The following DPP10 variants were observed in gnomAD, a reference collection of about 807,000 sequenced individuals.
The protein encoded by DPP10 is inactive dipeptidyl peptidase 10.
A neutral mutation model predicts 120.9 loss-of-function variants in DPP10; 33 were observed. That is an observed-to-expected ratio of 0.27 (90% CI 0.21 to 0.37). The LOEUF is 0.37. DPP10 is among the 10% of genes least tolerant of loss of function. DPP10 has a pLI of 1.00. For missense variants in DPP10, 816 were observed against 942.8 expected, an observed-to-expected ratio of 0.87 and a Z score of 1.76; for synonymous variants, 337 against 326.1, an observed-to-expected ratio of 1.03 and a Z score of -0.36.
chr2:115,085,692 A>G (rs1708636115), intron 1 of DPP10, among the ~76,000 whole-genome samples: 1 of 152,166 alleles, frequency 6.6e-6, no homozygotes, highest in Non-Finnish European at 1.5e-5. Flanking sequence ...AAAAGTATAC[A>G]TATCTCATTT....
intron 1 of DPP10, among the ~76,000 whole-genome samples, chr2:114,689,631 G>T (rs901244480): frequency 6.6e-6 from 1 of 151,902 alleles, no homozygotes; most frequent in Non-Finnish European, 1.5e-5. Flanking sequence ...TAGTATTTCT[G>T]CCTCTAGGTC....
Position 114,837,566 on chromosome 2 carries a change from A to G in DPP10, c.60+394728A>G, listed in dbSNP as rs551294097. Among the ~76,000 whole-genome samples, 5 of 152,048 alleles carry G rather than the reference A, an allele frequency of 3.3e-5. No homozygotes were observed. In the South Asian group the frequency reaches 1.0e-3, roughly 32 times the overall value. ...TGCTTTAACTGTGCTTATACAATGG[A>G]AACCCTGTTCTCTGTCAAAAAAAAA... On this transcript the variant is annotated intron_variant, in intron 1 of 25. Transcript: ENST00000410059.
chr2:115,375,577 T>C (rs1374617253), intron 3 of DPP10, among the ~76,000 whole-genome samples: 2 of 152,206 alleles, frequency 1.3e-5, no homozygotes, highest in Non-Finnish European at 2.9e-5. Context: ...TATAGCAGTC[T>C]CCCACTCTGC....
intron 4 of DPP10, among the ~76,000 whole-genome samples, chr2:115,507,026 ACG>A (rs1443613560): frequency 7.7e-6 from 1 of 130,222 alleles, no homozygotes; most frequent in African/African-American, 3.2e-5. Flanking sequence ...TTACACACAC[ACG>A]CACGCGCACA....
chr2:115,175,753 T>A (rs994585838), intron 1 of DPP10, among the ~76,000 whole-genome samples: 1 of 152,358 alleles, frequency 6.6e-6, no homozygotes, highest in South Asian at 2.1e-4. Flanking sequence ...GGCTATCATG[T>A]TTAAACACTT....
intron 1 of DPP10, among the ~76,000 whole-genome samples, chr2:114,913,647 T>C (rs905139415): frequency 6.6e-6 from 1 of 152,202 alleles, no homozygotes; most frequent in Non-Finnish European, 1.5e-5. Context: ...ATAAGAATTC[T>C]GGAAAGTCTA....
At chr2:114,650,169 A>C (rs886463269) in intron 1 of DPP10, among the ~76,000 whole-genome samples, 2 of 152,124 alleles carry the variant, frequency 1.3e-5, no homozygotes, top group South Asian at 4.1e-4. Flanking sequence ...GTCACACCTG[A>C]GTCTTATGAT....
At chr2:115,730,570 G>T (rs763781237) in intron 8 of DPP10, among the ~76,000 whole-genome samples, 1 of 152,148 alleles carries the variant, frequency 6.6e-6, no homozygotes, top group Non-Finnish European at 1.5e-5. Flanking sequence ...GTGCTGCTCC[G>T]TCCCGAATTA....
chr2:115,705,167 A>G (rs1427259654), intron 7 of DPP10, among the ~76,000 whole-genome samples: 1 of 151,920 alleles, frequency 6.6e-6, no homozygotes, highest in East Asian at 1.9e-4. Flanking sequence ...CTCTTACTTC[A>G]TTACTAATAA....
chr2:115,639,223 C>G (rs1219640962), intron 5 of DPP10, among the ~76,000 whole-genome samples: 4 of 152,186 alleles, frequency 2.6e-5, no homozygotes. Flanking sequence ...AAAGTAGTAG[C>G]TTCTGTTTCT....
At chr2:114,855,948 TAA>T (rs5833565) in intron 1 of DPP10, among the ~76,000 whole-genome samples, 1 of 143,528 alleles carries the variant, frequency 7.0e-6, no homozygotes. Context: ...TCCCTCAGGC[TAA>T]AAAAAAAAAG....
At chr2:115,605,560 T>C (rs929602908) in intron 5 of DPP10, among the ~76,000 whole-genome samples, 1 of 152,000 alleles carries the variant, frequency 6.6e-6, no homozygotes, top group Non-Finnish European at 1.5e-5. Flanking sequence ...TTTTTTACAG[T>C]GTAGAATGAA....
At chr2:115,626,059 G>A (rs2085333346) in intron 5 of DPP10, among the ~76,000 whole-genome samples, 1 of 150,500 alleles carries the variant, frequency 6.6e-6, no homozygotes, top group Non-Finnish European at 1.5e-5. Flanking sequence ...ACAAAAAACA[G>A]AAGTATAAAC....
chr2:114,786,044 G>A (rs371654789), intron 1 of DPP10, among the ~76,000 whole-genome samples: 14 of 152,046 alleles, frequency 9.2e-5, no homozygotes, highest in African/African-American at 1.7e-4. Flanking sequence ...CCAATACCTC[G>A]TGCCCAGATA....
chr2:115,075,146 T>C (rs1707681718), intron 1 of DPP10, among the ~76,000 whole-genome samples: 1 of 152,202 alleles, frequency 6.6e-6, no homozygotes, highest in Non-Finnish European at 1.5e-5. Context: ...GAAGAGTGCC[T>C]TTACACAAGT....
chr2:115,238,287 G>C (rs1413769661), intron 1 of DPP10, among the ~76,000 whole-genome samples: 1 of 152,168 alleles, frequency 6.6e-6, no homozygotes, highest in East Asian at 1.9e-4. Flanking sequence ...TTGCAGCACA[G>C]TTTACTCAAT....
At chr2:115,705,603 G>A (rs1472895165) in intron 7 of DPP10, among the ~76,000 whole-genome samples, 3 of 151,998 alleles carry the variant, frequency 2.0e-5, no homozygotes, top group South Asian at 2.1e-4. Flanking sequence ...AATGATGCAG[G>A]GAAACCACTA....
intron 2 of DPP10, among the ~76,000 whole-genome samples, chr2:115,317,159 A>C (rs922497853): frequency 6.6e-5 from 10 of 152,048 alleles, no homozygotes; most frequent in Admixed American, 1.3e-4. Context: ...CCCATTAAGC[A>C]GTTGCTCCTC....
intron 3 of DPP10, among the ~76,000 whole-genome samples, chr2:115,391,984 G>A (rs149057310): frequency 7.2e-5 from 11 of 152,152 alleles, no homozygotes; most frequent in African/African-American, 2.4e-4. Context: ...TAGAAGACTG[G>A]GGCCTGTGTT....
Sources: allele counts gnomAD v4.1 joint callset (sites outside exome capture counted in the v4.1 genomes callset), GRCh38; gene constraint gnomAD v4.1.1; transcripts MANE v1.5; gene names NCBI Gene and HGNC (gene_info 2026-07-23, HGNC 2026-07-21).